The following ROR1 variants were observed in gnomAD, a reference collection of about 807,000 sequenced individuals.
ROR1 encodes inactive tyrosine-protein kinase transmembrane receptor ROR1.
In ROR1, 19 loss-of-function variants were observed where a neutral mutation model predicts 78.8. The ratio of observed to expected loss-of-function variants is 0.24; its 90% CI spans 0.17 to 0.35. ROR1 has a LOEUF of 0.35. Among genes scored for constraint, ROR1 ranks in the 10% least tolerant of loss-of-function variants. The pLI is 1.00. For missense variants in ROR1, 917 were observed against 1,177.8 expected (o/e 0.78, Z 3.24); for synonymous variants, 386 against 433.6 (o/e 0.89, Z 1.36).
At chr1:63,874,914 G>A (rs972609425) in intron 1 of ROR1, among the ~76,000 whole-genome samples, 4 of 152,058 alleles carry the variant, frequency 2.6e-5, no homozygotes, top group Admixed American at 6.6e-5. Flanking sequence ...GAATGAAGTA[G>A]ACCAGGTATA....
At chr1:64,176,186 C>A (rs569615036) in intron 8 of ROR1, among the ~76,000 whole-genome samples, 1 of 152,210 alleles carries the variant, frequency 6.6e-6, no homozygotes, top group East Asian at 1.9e-4. Context: ...GTCTTAAGGT[C>A]AATTAATAAA....
At chr1:64,082,751 G>A (rs554998039) in intron 4 of ROR1, among the ~76,000 whole-genome samples, 3 of 152,222 alleles carry the variant, frequency 2.0e-5, no homozygotes, top group Non-Finnish European at 4.4e-5. Flanking sequence ...CCCAGATTCT[G>A]AGGGCTGACC....
intron 4 of ROR1, among the ~76,000 whole-genome samples, chr1:64,128,825 A>G (rs1569820548): frequency 6.6e-6 from 1 of 152,160 alleles, no homozygotes; most frequent in African/African-American, 2.4e-5. Context: ...GTGGCAGGGC[A>G]TGAGGTCAGA....
At chr1:64,173,663 G>A (rs554212202) in intron 8 of ROR1, among the ~76,000 whole-genome samples, 4 of 152,234 alleles carry the variant, frequency 2.6e-5, no homozygotes, top group East Asian at 1.9e-4. Context: ...AAAATTAGGC[G>A]TTCTGTTTCC....
At position 63,945,264 on chromosome 1, in the gene ROR1, C is replaced by T. The variant is rs150240439; in HGVS notation, c.92-64041C>T. ...TGTTAAACTAAAAAAGATCATATCT[C>T]GGTATACACATGCAATAACATGTAA... is the stretch of plus-strand genomic sequence containing the variant. On this transcript the variant is annotated intron_variant, in intron 1 of 8. Transcript: ENST00000371079. 4.9e-3 allele frequency among the ~76,000 whole-genome samples: 747 copies of T among 152,234 alleles called. 6 individuals are homozygous for T. Among genetic ancestry groups the T allele is most frequent in the African/African-American group, 0.017 (721 of 41,532 alleles).
intron 8 of ROR1, among the ~76,000 whole-genome samples, chr1:64,173,596 G>T (rs907114791): frequency 6.6e-6 from 1 of 152,160 alleles, no homozygotes; most frequent in African/African-American, 2.4e-5. Flanking sequence ...GGCTCTTTCG[G>T]CTCTCCTGAA....
At chr1:64,118,658 A>G (rs1216209023) in intron 4 of ROR1, among the ~76,000 whole-genome samples, 1 of 143,440 alleles carries the variant, frequency 7.0e-6, no homozygotes, top group Non-Finnish European at 1.5e-5. Flanking sequence ...AAAAAAAAAA[A>G]AAAGAATTAG....
intron 4 of ROR1, among the ~76,000 whole-genome samples, chr1:64,053,965 A>ATTTTATTTTATTT (rs1460407003): frequency 5.3e-5 from 8 of 151,830 alleles, no homozygotes; most frequent in African/African-American, 1.9e-4. Flanking sequence ...ATTTTATTTT[A>ATTTTATTTTATTT]TTTTGAAACA....
chr1:64,014,768 A>ATATATATATATATATATATATATATG (rs1557609719), intron 2 of ROR1, among the ~76,000 whole-genome samples: 2 of 76,594 alleles, frequency 2.6e-5, no homozygotes, highest in African/African-American at 7.8e-5. Context: ...ATATATATAT[A>ATATATATATATATATATATATATATG]TATATACACA....
At chr1:63,964,795 A>T (rs904121197) in intron 1 of ROR1, among the ~76,000 whole-genome samples, 3 of 152,192 alleles carry the variant, frequency 2.0e-5, no homozygotes, top group Admixed American at 2.0e-4. Context: ...TGGTTTCTGG[A>T]TGTGTGCTGT....
At chr1:63,935,142 C>T (rs2100449283) in intron 1 of ROR1, among the ~76,000 whole-genome samples, 1 of 151,994 alleles carries the variant, frequency 6.6e-6, no homozygotes, top group Non-Finnish European at 1.5e-5. Context: ...GCCCAACCTC[C>T]CTCCCCTGCC....
In ROR1 at chr1:63,774,326, G is replaced by C. The variant is rs1328855765; in HGVS notation, c.-92G>C. The C allele has an allele frequency of 1.3e-6, 1 of 790,484 alleles. No homozygotes were observed. Among genetic ancestry groups the C allele is most frequent in the Non-Finnish European group, 1.8e-6 (1 of 564,784 alleles). The allele number at this position is 790,484 out of a possible 1,614,324, so 49.0% of individuals were successfully genotyped here. A position where few individuals can be genotyped will look rare whatever the true frequency, so the allele number is the denominator to read the frequency against. On this transcript the variant is annotated 5_prime_UTR_variant, in exon 1 of 9. Transcript: ENST00000371079. The surrounding 1 kb of genome is among the most constrained non-coding windows in gnomAD (Gnocchi z 5.7). ...CGGCGTCCTGCGAGCGCCAGCGGCCGGGACGAGGCGGCCGGGAGCCCGGGA... is the reference window on the plus strand; with the variant it reads ...CGGCGTCCTGCGAGCGCCAGCGGCCCGGACGAGGCGGCCGGGAGCCCGGGA...
intron 1 of ROR1, among the ~76,000 whole-genome samples, chr1:63,784,380 T>C (rs1644671444): frequency 6.6e-6 from 1 of 152,180 alleles, no homozygotes; most frequent in African/African-American, 2.4e-5. Flanking sequence ...TATACTGATA[T>C]ATGACTATTT....
chr1:64,053,640 G>A lies in ROR1; in HGVS notation c.482+2924G>A, dbSNP rs187883788. Among the ~76,000 whole-genome samples, 25 of 152,256 alleles carry A rather than the reference G, an allele frequency of 1.6e-4. No homozygotes were observed. The East Asian group carries it at 4.6e-3, about 28-fold the overall frequency. ...ATAAAATATGTTCTATCTTCCCACAGTGTCAAATATACCTTTTTAACGTTA... is the reference window on the plus strand; with the variant it reads ...ATAAAATATGTTCTATCTTCCCACAATGTCAAATATACCTTTTTAACGTTA... On this transcript the variant is annotated intron_variant, in intron 4 of 8. Coordinates refer to ENST00000371079, the MANE Select transcript of ROR1 (RefSeq NM_005012.4).
intron 2 of ROR1, among the ~76,000 whole-genome samples, chr1:64,041,286 C>G (rs899942601): frequency 6.6e-6 from 1 of 152,100 alleles, no homozygotes; most frequent in African/African-American, 2.4e-5. Context: ...CCCTTCTTCT[C>G]CCACCTTTAT....
At chr1:64,050,773 G>A (rs1646822293) in intron 4 of ROR1, 57 bp downstream of exon 4, 1 of 1,551,598 alleles carries the variant, frequency 6.4e-7, no homozygotes, top group South Asian at 1.1e-5. Context: ...TGGTTTTCTA[G>A]GGCAAAAGCA....
chr1:64,050,231 C>A (rs1423650152), intron 3 of ROR1, among the ~76,000 whole-genome samples: 2 of 152,180 alleles, frequency 1.3e-5, no homozygotes, highest in Non-Finnish European at 2.9e-5. Context: ...CTCAGAGCCC[C>A]TAATTGAAAC....
intron 4 of ROR1, among the ~76,000 whole-genome samples, chr1:64,120,542 G>A (rs942257119): frequency 3.3e-5 from 5 of 151,266 alleles, no homozygotes; most frequent in Admixed American, 6.6e-5. Flanking sequence ...TTGAAATCCA[G>A]AGTGTATTTT....
rs1437282961 is a variant in ROR1, at chr1:64,179,644, G to A, written c.*789G>A. 1.3e-5 allele frequency: 2 copies of A among 152,232 alleles called. No homozygotes were observed. Among genetic ancestry groups the A allele is most frequent in the African/African-American group, 4.8e-5 (2 of 41,460 alleles). 9.4% of individuals were successfully genotyped at this position (152,232 alleles called of 1,614,324 possible). A position where few individuals can be genotyped will look rare whatever the true frequency, so the allele number is the denominator to read the frequency against. On this transcript the variant is annotated 3_prime_UTR_variant, in exon 9 of 9. Transcript: ENST00000371079. ...TAGTTCTCTTTGCTGGATTAGGAAT[G>A]AGGCGCCAAAGGAAGCACAGCCAGG...
Sources: allele counts gnomAD v4.1 joint callset (sites outside exome capture counted in the v4.1 genomes callset), GRCh38; gene constraint gnomAD v4.1.1; non-coding constraint Gnocchi (gnomAD v3.1); transcripts MANE v1.5; gene names NCBI Gene and HGNC (gene_info 2026-07-23, HGNC 2026-07-21).